The following ARHGAP23 variants were observed in gnomAD, a reference collection of about 807,000 sequenced individuals.
The protein encoded by ARHGAP23 is rho GTPase-activating protein 23.
In ARHGAP23, 34 loss-of-function variants were observed where a neutral mutation model predicts 136.3. That is an observed-to-expected ratio of 0.25 (90% CI 0.19 to 0.33). The LOEUF (loss-of-function observed/expected upper bound fraction) is 0.33, where lower values mean the gene tolerates loss of function less well. Among genes scored for constraint, ARHGAP23 ranks in the 10% least tolerant of loss-of-function variants. The pLI, the probability that ARHGAP23 is intolerant of heterozygous loss-of-function variation, is 1.00. For synonymous variants in ARHGAP23, 832 were observed against 920.5 expected, an observed-to-expected ratio of 0.90 and a Z score of 1.74; for missense variants, 1,808 against 2,139.0, an observed-to-expected ratio of 0.85 and a Z score of 3.05.
chr17:38,478,376 G>A (rs1597814083), intron 12 of ARHGAP23, among the ~76,000 whole-genome samples: 1 of 152,088 alleles, frequency 6.6e-6, no homozygotes, highest in Admixed American at 6.5e-5. Flanking sequence ...CCACAGGTGG[G>A]CAGGGGTGGA....
chr17:38,476,020 G>A (rs534140417), intron 11 of ARHGAP23, among the ~76,000 whole-genome samples: 24 of 152,318 alleles, frequency 1.6e-4, no homozygotes, highest in African/African-American at 3.4e-4. Flanking sequence ...GGCTTGGCTC[G>A]CTCACCTGCA....
chr17:38,459,785 C>A (rs769929951), intron 2 of ARHGAP23, among the ~76,000 whole-genome samples: 2 of 152,186 alleles, frequency 1.3e-5, no homozygotes, highest in Non-Finnish European at 2.9e-5. Flanking sequence ...GGAGCTCAGC[C>A]GTCCAAATGC....
intron 1 of ARHGAP23, among the ~76,000 whole-genome samples, chr17:38,434,410 C>G (rs929755529): frequency 6.6e-6 from 1 of 152,254 alleles, no homozygotes; most frequent in Non-Finnish European, 1.5e-5. Flanking sequence ...TGGCTAGGCC[C>G]TCGGAAGGCA....
In ARHGAP23 at chr17:38,463,381, T is replaced by C; in HGVS notation, c.482T>C (p.Leu161Pro). Residue 161 changes from leucine to proline, a missense_variant and splice_region_variant, in exon 6 of 24, where the codon CTG (leucine) becomes CCG (proline). By Grantham distance (98) the Leu-to-Pro change is moderately conservative. This residue lies in a region of ARHGAP23 where 859 missense variants were observed against 936.4 expected (regional missense o/e 0.92). Coordinates refer to ENST00000622683, the MANE Select transcript of ARHGAP23 (RefSeq NM_001199417.2). ...CCCAAGGACGAGGACATCCTCCAGCTGGTGAGTCCAGCCCCTGTGGCCTGA... is the reference window on the plus strand; with the variant it reads ...CCCAAGGACGAGGACATCCTCCAGCCGGTGAGTCCAGCCCCTGTGGCCTGA... Reference protein sequence around the residue: ...IMPKDEDILQLAYSQDAYLKG... With the variant: ...IMPKDEDILQPAYSQDAYLKG... 6.4e-7 allele frequency: 1 copy of C among 1,551,678 alleles called. No individual in the cohort carries two copies. Among genetic ancestry groups the C allele is most frequent in the Non-Finnish European group, 8.7e-7 (1 of 1,146,962 alleles).
intron 22 of ARHGAP23, 101 bp from the exon 23 acceptor site, chr17:38,500,496 T>C: frequency 9.5e-7 from 1 of 1,057,048 alleles, no homozygotes; most frequent in Non-Finnish European, 1.4e-6. Context: ...CAGAATTCCC[T>C]GGTTTCTGAA....
chr17:38,463,229 C>T (rs1389862218), intron 5 of ARHGAP23, 33 bp downstream of exon 5: 1 of 1,550,584 alleles, frequency 6.4e-7, no homozygotes, highest in Non-Finnish European at 8.7e-7. Context: ...CCCATATTAT[C>T]TCCCCTCCCC....
At chr17:38,503,318 C>A (rs550570491) in intron 23 of ARHGAP23, among the ~76,000 whole-genome samples, 1 of 152,286 alleles carries the variant, frequency 6.6e-6, no homozygotes, top group Admixed American at 6.5e-5. Flanking sequence ...AGGTGAGGAC[C>A]TCTGCTGGGC....
At position 38,486,043 on chromosome 17, in the gene ARHGAP23, C is replaced by T. The variant is rs532287822; in HGVS notation, c.2908-19C>T. On this transcript the variant is annotated intron_variant, in intron 16 of 23. Coordinates refer to ENST00000622683, the MANE Select transcript of ARHGAP23 (RefSeq NM_001199417.2). ...TCGGGCTGGGCCTGCCTGTGCCTGA[C>T]ATCTGACCCCTCCCCCAGCGCTGGC... 2.1e-5 allele frequency: 33 copies of T among 1,550,010 alleles called. 2 individuals are homozygous for T. In the South Asian group the frequency reaches 3.9e-4, roughly 18 times the overall value.
At chr17:38,495,551 A>G (rs2040373695) in intron 20 of ARHGAP23, among the ~76,000 whole-genome samples, 1 of 151,864 alleles carries the variant, frequency 6.6e-6, no homozygotes, top group African/African-American at 2.4e-5. Context: ...CATTTTTCTT[A>G]TCTTCCTTTG....
At chr17:38,485,563 T>C (rs2040141286) in intron 16 of ARHGAP23, among the ~76,000 whole-genome samples, 1 of 151,822 alleles carries the variant, frequency 6.6e-6, no homozygotes, top group African/African-American at 2.4e-5. Flanking sequence ...GACAGGGCAG[T>C]GGTGAAGGTG....
At chr17:38,471,612 A>C (rs1428882058) in intron 10 of ARHGAP23, among the ~76,000 whole-genome samples, 1 of 152,196 alleles carries the variant, frequency 6.6e-6, no homozygotes, top group African/African-American at 2.4e-5. Context: ...TGGCTCCTGT[A>C]GTGTGGTGAG....
At chr17:38,457,781 T>A (rs1362158532) in intron 1 of ARHGAP23, 1 of 457,022 alleles carries the variant, frequency 2.2e-6, no homozygotes, top group Non-Finnish European at 4.0e-6. Context: ...GTCCTGCACA[T>A]AGTAGGTGCT....
rs775996184 is a variant in ARHGAP23, at chr17:38,466,578, C to T, written c.895C>T (p.Arg299Trp). The T allele has an allele frequency of 2.3e-5, 34 of 1,496,886 alleles. No individual in the cohort carries two copies. Among genetic ancestry groups the T allele is most frequent in the East Asian group, 7.4e-5 (3 of 40,576 alleles). 92.7% of individuals were successfully genotyped at this position (1,496,886 alleles called of 1,614,324 possible). The change falls in exon 7 of 24, where the codon CGG becomes TGG. Residue 299 changes from arginine to tryptophan, a missense_variant. Around this residue, in one of 7 missense-constraint regions of ARHGAP23, gnomAD observed 859 missense variants for 936.4 expected, o/e 0.92. Transcript: ENST00000622683. The stretch of plus-strand genomic sequence containing the variant: ...CTGGCTGTCAAACCAGGTACCCCGC[C>T]GGGCGGGGGAGAGACGGTGCCCAGC... ...SHWLSNQVPR[R>W]AGERRCPAMA...
chr17:38,509,810 G>T, intron 23 of ARHGAP23, 134 bp from the exon 24 acceptor site: 1 of 646,350 alleles, frequency 1.5e-6, no homozygotes, highest in Non-Finnish European at 2.2e-6. Flanking sequence ...GTTTTATGAT[G>T]CGGCCGTGGG....
chr17:38,484,579 GAGGAACC>G (rs1195703963), intron 16 of ARHGAP23, among the ~76,000 whole-genome samples: 13 of 152,090 alleles, frequency 8.5e-5, no homozygotes. Flanking sequence ...CTTCACTCTG[GAGGAACC>G]AGGAAGCACT....
intron 6 of ARHGAP23, among the ~76,000 whole-genome samples, chr17:38,465,132 G>A (rs1241597215): frequency 1.3e-5 from 2 of 151,974 alleles, no homozygotes. Flanking sequence ...TGCTGCCGCC[G>A]CCGTGATGAT....
chr17:38,456,631 G>T (rs544143960), intron 1 of ARHGAP23, among the ~76,000 whole-genome samples: 1 of 152,222 alleles, frequency 6.6e-6, no homozygotes, highest in East Asian at 1.9e-4. Flanking sequence ...TCCTCTAGGG[G>T]TCCTCTTGGC....
At chr17:38,499,218 A>C (rs1241835462) in intron 22 of ARHGAP23, among the ~76,000 whole-genome samples, 2 of 152,238 alleles carry the variant, frequency 1.3e-5, no homozygotes. Flanking sequence ...GCCCTCCTGC[A>C]GTGCCACAGA....
chr17:38,453,067 G>A (rs1266356427), intron 1 of ARHGAP23, among the ~76,000 whole-genome samples: 4 of 152,256 alleles, frequency 2.6e-5, no homozygotes, highest in Non-Finnish European at 5.9e-5. Flanking sequence ...GCTGTGCAGT[G>A]TGTGCGTGGC....
Sources: allele counts gnomAD v4.1 joint callset (sites outside exome capture counted in the v4.1 genomes callset), GRCh38; gene constraint gnomAD v4.1.1; regional missense constraint gnomAD v4.1.1; transcripts MANE v1.5; gene names NCBI Gene and HGNC (gene_info 2026-07-23, HGNC 2026-07-21).